GOLGA1: variants seen among roughly 807,000 people sequenced by gnomAD.
The protein encoded by GOLGA1 is golgin subfamily A member 1.
Under a neutral mutation model 119.7 loss-of-function variants are expected in GOLGA1, and 63 were observed. The observed-to-expected ratio is 0.53, with a 90% CI of 0.43 to 0.65. The LOEUF is 0.65. Ranked by LOEUF, GOLGA1 falls within the 30% of genes least tolerant of loss-of-function variation. GOLGA1 has a pLI of 0.00. For missense variants in GOLGA1, 798 were observed against 912.8 expected (o/e 0.87, Z 1.62); for synonymous variants, 318 against 333.4 (o/e 0.95, Z 0.50).
rs941501587 is a variant in GOLGA1, at chr9:124,946,129, C to T, written c.-156+1789G>A. On this transcript the variant is annotated intron_variant, in intron 1 of 4. Transcript: ENST00000421514. The surrounding 1 kb of genome is among the most constrained non-coding windows in gnomAD (Gnocchi z 4.0). ...ATCCACAAGGAGCCTGAGTCAGTTC[C>T]ATGAATTTTAAATGGTATAATATCT... The T allele has an allele frequency of 6.6e-6, 1 of 152,162 alleles. No homozygotes were observed. The highest frequency in any genetic ancestry group is 2.4e-5 in the African/African-American group (1 of 41,440). 9.4% of individuals were successfully genotyped at this position (152,162 alleles called of 1,614,324 possible).
chr9:124,878,321 G>T lies in GOLGA1; in HGVS notation c.*2209C>A, dbSNP rs1829490797. On this transcript the variant is annotated 3_prime_UTR_variant, in exon 23 of 23. Transcript: ENST00000373555. ...TGAGACACAAAATACCAGATTTAAT[G>T]AGTCAAAGAAATACTGACACACCAA... is the stretch of plus-strand genomic sequence containing the variant. The T allele has an allele frequency of 6.6e-6, 1 of 152,268 alleles. No individual in the cohort carries two copies. The highest frequency in any genetic ancestry group is 1.5e-5 in the Non-Finnish European group (1 of 68,038). 9.4% of individuals were successfully genotyped at this position (152,268 alleles called of 1,614,324 possible). A position where few individuals can be genotyped will look rare whatever the true frequency, so the allele number is the denominator to read the frequency against.
At chr9:124,918,746 A>T (rs113331243) in intron 10 of GOLGA1, among the ~76,000 whole-genome samples, 2,552 of 152,002 alleles carry the variant, frequency 0.017, 74 homozygotes, top group African/African-American at 0.059. Flanking sequence ...ACAAAGTGAG[A>T]CCCTGTCTCA....
At chr9:124,931,705 A>G (rs759805253) in intron 3 of GOLGA1, among the ~76,000 whole-genome samples, 2 of 152,332 alleles carry the variant, frequency 1.3e-5, no homozygotes, top group East Asian at 3.9e-4. Context: ...TATATTTGCC[A>G]TGATAAAAAA....
At chr9:124,912,081 CT>C in intron 10 of GOLGA1, 55 bp from the exon 11 acceptor site, 1 of 1,552,732 alleles carries the variant, frequency 6.4e-7, no homozygotes, top group Non-Finnish European at 8.8e-7. Context: ...TCCTTCCTTC[CT>C]GCTTTCTTTT....
intron 3 of GOLGA1, among the ~76,000 whole-genome samples, 195 bp downstream of exon 3, chr9:124,938,382 G>C (rs1530369): frequency 0.39 from 53,094 of 135,470 alleles, 9,464 homozygotes; most frequent in African/African-American, 0.43. Context: ...GAAAAATAAG[G>C]AAAAAAATAT....
intron 15 of GOLGA1, among the ~76,000 whole-genome samples, chr9:124,895,947 T>TGTAACAGAGAACC (rs1588066109): frequency 7.0e-6 from 1 of 142,806 alleles, no homozygotes; most frequent in Non-Finnish European, 1.5e-5. Flanking sequence ...AGAGACCCTC[T>TGTAACAGAGAACC]ATAACAGAGA....
chr9:124,891,834 C>T (rs1318685340), intron 15 of GOLGA1, among the ~76,000 whole-genome samples: 2 of 149,642 alleles, frequency 1.3e-5, no homozygotes, highest in Non-Finnish European at 3.0e-5. Context: ...TAGTAGAGAC[C>T]GGGTTTCGCC....
intron 10 of GOLGA1, among the ~76,000 whole-genome samples, chr9:124,919,411 T>C (rs183070968): frequency 1.3e-5 from 2 of 152,368 alleles, no homozygotes; most frequent in African/African-American, 4.8e-5. Flanking sequence ...TTGAGATTTT[T>C]AGTTCATTGA....
At chr9:124,940,474 T>C (rs1830985392) in intron 1 of GOLGA1, among the ~76,000 whole-genome samples, 1 of 152,236 alleles carries the variant, frequency 6.6e-6, no homozygotes, top group Non-Finnish European at 1.5e-5. Context: ...GGAGCCAGTA[T>C]TTATTTCTCA....
In GOLGA1 at chr9:124,928,468, C is replaced by CCA. The variant is rs571741940; in HGVS notation, c.302-185_302-184dup. Among the ~76,000 whole-genome samples, 10 of 152,274 alleles carry CCA rather than the reference C, an allele frequency of 6.6e-5. No individual in the cohort carries two copies. The South Asian group carries it at 2.1e-3, about 32-fold the overall frequency. On this transcript the variant is annotated intron_variant, in intron 5 of 22. Transcript: ENST00000373555. Reference sequence around the variant, plus strand: ...AGAATATTTTGGCCTTGGTAATAGACCACAGTTTTTGTTTGTTTCCTTATC... The same window carrying CCA: ...AGAATATTTTGGCCTTGGTAATAGACCACACAGTTTTTGTTTGTTTCCTTATC...
intron 13 of GOLGA1, among the ~76,000 whole-genome samples, chr9:124,899,716 T>G (rs1830058547): frequency 6.6e-6 from 1 of 152,208 alleles, no homozygotes; most frequent in African/African-American, 2.4e-5. Context: ...TGGGGACAGC[T>G]CTGGGCACCA....
At chr9:124,937,904 A>G (rs2016470) in intron 3 of GOLGA1, among the ~76,000 whole-genome samples, 95,215 of 151,482 alleles carry the variant, frequency 0.63, 30,590 homozygotes, top group African/African-American at 0.71. Flanking sequence ...GCAACATGGT[A>G]AAAACCTGTC....
intron 14 of GOLGA1, among the ~76,000 whole-genome samples, chr9:124,898,965 G>A (rs975606481): frequency 6.6e-6 from 1 of 152,158 alleles, no homozygotes; most frequent in Non-Finnish European, 1.5e-5. Flanking sequence ...GGAGGCTGAG[G>A]TGGGCAGATC....
At chr9:124,931,076 A>G (rs1326725402) in intron 4 of GOLGA1, among the ~76,000 whole-genome samples, 3 of 152,134 alleles carry the variant, frequency 2.0e-5, no homozygotes, top group African/African-American at 7.2e-5. Context: ...ATTATCTTTT[A>G]TTTCCATGGC....
At chr9:124,922,268 C>G (rs1318361932) in intron 8 of GOLGA1, among the ~76,000 whole-genome samples, 2 of 145,982 alleles carry the variant, frequency 1.4e-5, no homozygotes, top group Non-Finnish European at 3.0e-5. Flanking sequence ...ACACTTAAAT[C>G]TCGGCTGGAT....
In GOLGA1 at chr9:124,879,267, T is replaced by C. The variant is rs192201908; in HGVS notation, c.*1263A>G. 6.0e-4 allele frequency: 91 copies of C among 152,302 alleles called. No individual in the cohort carries two copies. Among genetic ancestry groups the C allele is most frequent in the African/African-American group, 2.1e-3 (89 of 41,570 alleles). 9.4% of individuals were successfully genotyped at this position (152,302 alleles called of 1,614,324 possible). On this transcript the variant is annotated 3_prime_UTR_variant, in exon 23 of 23. Coordinates refer to ENST00000373555, the MANE Select transcript of GOLGA1 (RefSeq NM_002077.4). ...TTCATCAAACAATAAACGGTTTCCTTTTAGATTCAATATTGTGGCTTTTCC... is the reference window on the plus strand; with the variant it reads ...TTCATCAAACAATAAACGGTTTCCTCTTAGATTCAATATTGTGGCTTTTCC...
chr9:124,926,174 A>G (rs73666655), intron 7 of GOLGA1, among the ~76,000 whole-genome samples: 2,370 of 152,318 alleles, frequency 0.016, 56 homozygotes, highest in African/African-American at 0.054. Context: ...CCCAAAAGAT[A>G]ATGTGCTGGC....
intron 15 of GOLGA1, among the ~76,000 whole-genome samples, chr9:124,896,931 CAA>C (rs796240730): frequency 1.4e-5 from 2 of 143,520 alleles, no homozygotes; most frequent in African/African-American, 2.5e-5. Context: ...GACCCTGTCT[CAA>C]AAAAAAAAAG....
intron 15 of GOLGA1, among the ~76,000 whole-genome samples, chr9:124,898,142 C>CAA (rs1290835686): frequency 2.0e-5 from 3 of 152,188 alleles, no homozygotes; most frequent in Non-Finnish European, 4.4e-5. Flanking sequence ...AGGTCCTTAT[C>CAA]ATCTTTTAAG....
Sources: allele counts gnomAD v4.1 joint callset (sites outside exome capture counted in the v4.1 genomes callset), GRCh38; gene constraint gnomAD v4.1.1; non-coding constraint Gnocchi (gnomAD v3.1); transcripts MANE v1.5; gene names NCBI Gene and HGNC (gene_info 2026-07-23, HGNC 2026-07-21).